The following LEF1 variants were observed in gnomAD, a reference collection of about 807,000 sequenced individuals.
The protein encoded by LEF1 is lymphoid enhancer binding factor 1, also known as lymphoid enhancer-binding factor 1.
LEF1 carries 14 observed loss-of-function variants against 51.2 expected under a neutral mutation model. The ratio of observed to expected loss-of-function variants is 0.27; its 90% CI spans 0.18 to 0.43. The LOEUF (loss-of-function observed/expected upper bound fraction) is 0.43. Among genes scored for constraint, LEF1 ranks in the 20% least tolerant of loss-of-function variants. The pLI, the probability that LEF1 is intolerant of heterozygous loss-of-function variation, is 1.00. For synonymous variants in LEF1, 185 were observed against 183.2 expected (o/e 1.01, Z -0.08); for missense variants, 386 against 512.0 (o/e 0.75, Z 2.37).
At chr4:108,150,065 A>G (rs1359975037) in intron 3 of LEF1, among the ~76,000 whole-genome samples, 1 of 152,164 alleles carries the variant, frequency 6.6e-6, no homozygotes, top group African/African-American at 2.4e-5. Flanking sequence ...CACTGTTGCA[A>G]CTTCTCAGGA....
At position 108,048,577 on chromosome 4, in the gene LEF1, T is replaced by C. The variant is rs1226067844; in HGVS notation, c.*181A>G. ...AAGAGGGGTTGGCAGTGATTGTCTT[T>C]ATGGATCAGCGTCTCTAGCAGTGAC... On this transcript the variant is annotated 3_prime_UTR_variant, in exon 12 of 12. Coordinates refer to ENST00000265165, the MANE Select transcript of LEF1 (RefSeq NM_016269.5). 4 of 657,328 alleles carry C rather than the reference T, an allele frequency of 6.1e-6. No individual in the cohort carries two copies. Among genetic ancestry groups the C allele is most frequent in the African/African-American group, 5.5e-5 (3 of 54,706 alleles). The allele number at this position is 657,328 out of a possible 1,614,324, so 40.7% of individuals were successfully genotyped here. A position where few individuals can be genotyped will look rare whatever the true frequency, so the allele number is the denominator to read the frequency against.
intron 11 of LEF1, among the ~76,000 whole-genome samples, chr4:108,057,268 A>G (rs770058328): frequency 2.0e-5 from 3 of 152,126 alleles, no homozygotes; most frequent in Non-Finnish European, 4.4e-5. Context: ...AAGACTTAAG[A>G]GTTCTTCAGC....
intron 6 of LEF1, 142 bp downstream of exon 6, chr4:108,081,444 G>A (rs915777768): frequency 1.7e-5 from 11 of 651,188 alleles, no homozygotes; most frequent in Non-Finnish European, 2.5e-5. Context: ...ACCTAGTGTG[G>A]GAGCCAGGCA....
At chr4:108,088,274 T>C (rs766267573) in intron 4 of LEF1, among the ~76,000 whole-genome samples, 1 of 152,212 alleles carries the variant, frequency 6.6e-6, no homozygotes, top group Non-Finnish European at 1.5e-5. Context: ...AGGGGTAAAA[T>C]GTAGGCAGTG....
intron 3 of LEF1, among the ~76,000 whole-genome samples, chr4:108,146,430 T>C (rs540393767): frequency 6.6e-6 from 1 of 152,312 alleles, no homozygotes; most frequent in South Asian, 2.1e-4. Context: ...CCTAATAAGT[T>C]ATTAACATAT....
intron 11 of LEF1, among the ~76,000 whole-genome samples, chr4:108,051,295 T>C (rs949100650): frequency 1.3e-5 from 2 of 151,874 alleles, no homozygotes; most frequent in African/African-American, 2.4e-5. Context: ...TCCTTCACTA[T>C]GAAATGAGGC....
At chr4:108,063,083 T>C (rs1737806442) in intron 11 of LEF1, among the ~76,000 whole-genome samples, 1 of 152,190 alleles carries the variant, frequency 6.6e-6, no homozygotes, top group African/African-American at 2.4e-5. Context: ...GAAACACAGT[T>C]AAATAAGTGC....
At chr4:108,092,346 C>T (rs953802570) in intron 3 of LEF1, among the ~76,000 whole-genome samples, 4 of 152,142 alleles carry the variant, frequency 2.6e-5, no homozygotes, top group African/African-American at 9.7e-5. Flanking sequence ...ATTTCAATAG[C>T]ATGTGTGAGC....
chr4:108,115,604 AAAG>A (rs1741784439), intron 3 of LEF1, among the ~76,000 whole-genome samples: 1 of 152,172 alleles, frequency 6.6e-6, no homozygotes, highest in African/African-American at 2.4e-5. Context: ...TTAAAGAGAG[AAAG>A]AATAAGATAG....
chr4:108,144,865 C>CAAA (rs11394687), intron 3 of LEF1, among the ~76,000 whole-genome samples: 558 of 41,856 alleles, frequency 0.013, 17 homozygotes, highest in Middle Eastern at 0.05. Flanking sequence ...CCCAACCAGC[C>CAAA]AAAAAAAAAA....
At chr4:108,126,140 T>C (rs947163712) in intron 3 of LEF1, among the ~76,000 whole-genome samples, 3 of 152,236 alleles carry the variant, frequency 2.0e-5, no homozygotes, top group African/African-American at 7.2e-5. Context: ...AAGCTCCAGT[T>C]ATAAGTTTCT....
At chr4:108,117,360 T>C (rs182896707) in intron 3 of LEF1, among the ~76,000 whole-genome samples, 12 of 152,366 alleles carry the variant, frequency 7.9e-5, no homozygotes, top group Admixed American at 3.3e-4. Flanking sequence ...GGTTTAACTA[T>C]AGTGTAATTT....
At chr4:108,090,182 A>T (rs1434097183) in intron 3 of LEF1, among the ~76,000 whole-genome samples, 2 of 152,038 alleles carry the variant, frequency 1.3e-5, no homozygotes, top group African/African-American at 4.8e-5. Flanking sequence ...GTTTCACTAT[A>T]TTGGCCAGGC....
intron 7 of LEF1, among the ~76,000 whole-genome samples, chr4:108,078,741 A>G (rs918644084): frequency 6.6e-6 from 1 of 152,312 alleles, no homozygotes; most frequent in Non-Finnish European, 1.5e-5. Flanking sequence ...TCCCCTCAGA[A>G]GAAGCTGAAC....
intron 11 of LEF1, among the ~76,000 whole-genome samples, chr4:108,052,293 A>G (rs1420111073): frequency 6.6e-6 from 1 of 152,212 alleles, no homozygotes; most frequent in African/African-American, 2.4e-5. Flanking sequence ...TGGTGAGGAT[A>G]CAAAAAAAGT....
rs1257644758 is a variant in LEF1 at position 108,167,793 on chromosome 4, C to G, written c.-26G>C. 4 of 1,600,894 alleles carry G rather than the reference C, an allele frequency of 2.5e-6. No homozygotes were observed. The African/African-American group carries it at 5.4e-5, about 21-fold the overall frequency. On this transcript the variant is annotated 5_prime_UTR_variant, in exon 1 of 12. Transcript: ENST00000265165. This position sits in a 1 kb window ranked among gnomAD's most constrained non-coding sequence, Gnocchi z 5.7. The stretch of plus-strand genomic sequence containing the variant: ...CCCGGCGGCTCTGTAATCTCCGCTC[C>G]GCTGTGGGAGCACCCGCGCAACAGC...
At chr4:108,099,590 A>ATGTGTG (rs1436864000) in intron 3 of LEF1, among the ~76,000 whole-genome samples, 1 of 108,460 alleles carries the variant, frequency 9.2e-6, no homozygotes, top group Non-Finnish European at 2.1e-5. Flanking sequence ...ATATATATAT[A>ATGTGTG]TATATATATA....
At chr4:108,142,423 T>C (rs1743721956) in intron 3 of LEF1, among the ~76,000 whole-genome samples, 2 of 152,224 alleles carry the variant, frequency 1.3e-5, no homozygotes, top group Non-Finnish European at 2.9e-5. Context: ...CAAAACCTAA[T>C]GCCACCAAAA....
chr4:108,148,256 T>C (rs72660440), intron 3 of LEF1, among the ~76,000 whole-genome samples: 1,952 of 145,718 alleles, frequency 0.013, 17 homozygotes, highest in Middle Eastern at 0.021. Flanking sequence ...TTAGGTTACT[T>C]AACATGAATG....
Sources: gnomAD v4.1 joint callset for allele counts (sites outside exome capture counted in the v4.1 genomes callset) on GRCh38, gnomAD v4.1.1 for gene constraint, Gnocchi (gnomAD v3.1) non-coding constraint, MANE v1.5 for transcripts, NCBI Gene and HGNC (gene_info 2026-07-23, HGNC 2026-07-21) for gene names.